Variants in DLGAP2 observed in about 807,000 individuals in gnomAD.
DLGAP2 encodes the protein DLG associated protein 2.
DLGAP2 carries 26 observed loss-of-function variants against 100.3 expected under a neutral mutation model. That is an observed-to-expected ratio of 0.26 (90% CI 0.19 to 0.36). The LOEUF (loss-of-function observed/expected upper bound fraction) is 0.36, where lower values mean the gene tolerates loss of function less well. Ranked by LOEUF, DLGAP2 falls within the 10% of genes least tolerant of loss-of-function variation. DLGAP2 has a pLI of 1.00. For synonymous variants in DLGAP2, 886 were observed against 630.1 expected (o/e 1.41, Z -6.08); for missense variants, 1,858 against 1,453.2 (o/e 1.28, Z -4.53).
chr8:1,244,086 C>T (rs1463401274), intron 2 of DLGAP2, among the ~76,000 whole-genome samples: 1 of 152,198 alleles, frequency 6.6e-6, no homozygotes, highest in Non-Finnish European at 1.5e-5. Context: ...TGTCAGCTCT[C>T]AGCCTCTGCA....
intron 2 of DLGAP2, among the ~76,000 whole-genome samples, chr8:1,120,050 T>C (rs1220399793): frequency 1.3e-5 from 2 of 152,178 alleles, no homozygotes; most frequent in South Asian, 2.1e-4. Context: ...CAGCAACTTA[T>C]AACAAAAACA....
intron 2 of DLGAP2, among the ~76,000 whole-genome samples, chr8:1,211,742 G>A (rs901952375): frequency 6.6e-6 from 1 of 152,206 alleles, no homozygotes; most frequent in African/African-American, 2.4e-5. Flanking sequence ...AGGCGTGGTA[G>A]CCCATGCCTG....
At chr8:1,592,381 C>T (rs982709215) in intron 6 of DLGAP2, among the ~76,000 whole-genome samples, 4 of 152,116 alleles carry the variant, frequency 2.6e-5, no homozygotes, top group Admixed American at 1.3e-4. Context: ...TTTATATTGA[C>T]GATTGGCCTG....
intron 2 of DLGAP2, among the ~76,000 whole-genome samples, chr8:1,198,081 CCTGTGTGGTT>C: frequency 6.6e-6 from 1 of 151,896 alleles, no homozygotes; most frequent in Admixed American, 6.6e-5. Context: ...TGGACTGTTA[CCTGTGTGGTT>C]CTGTGTGTGT....
At chr8:1,485,993 C>T (rs112496821) in intron 3 of DLGAP2, among the ~76,000 whole-genome samples, 2,805 of 152,244 alleles carry the variant, frequency 0.018, 76 homozygotes, top group African/African-American at 0.062. Context: ...CGCCACTGCA[C>T]TCCAGCCTGG....
chr8:1,185,872 G>T (rs956802676), intron 2 of DLGAP2, among the ~76,000 whole-genome samples: 2 of 152,084 alleles, frequency 1.3e-5, no homozygotes, highest in Non-Finnish European at 2.9e-5. Context: ...CGCCCAACTT[G>T]CCCCACAGAG....
chr8:1,599,543 C>T (rs1184304080), intron 6 of DLGAP2, among the ~76,000 whole-genome samples: 1 of 152,082 alleles, frequency 6.6e-6, no homozygotes, highest in Non-Finnish European at 1.5e-5. Context: ...CTGGGTCCTC[C>T]TGTATTGGGT....
intron 2 of DLGAP2, among the ~76,000 whole-genome samples, chr8:1,184,735 G>C (rs1240001728): frequency 6.6e-6 from 1 of 152,194 alleles, no homozygotes; most frequent in Admixed American, 6.5e-5. Context: ...CCTGGGAGGA[G>C]GGTGAGGCCA....
intron 10 of DLGAP2, among the ~76,000 whole-genome samples, chr8:1,672,820 G>C (rs1159573848): frequency 1.3e-5 from 2 of 152,248 alleles, no homozygotes; most frequent in African/African-American, 4.8e-5. Flanking sequence ...ATAAACAGGA[G>C]TTTGCATCAG....
chr8:1,547,941 C>T (rs1034792680), intron 4 of DLGAP2, among the ~76,000 whole-genome samples: 5 of 152,198 alleles, frequency 3.3e-5, no homozygotes, highest in African/African-American at 7.2e-5. Flanking sequence ...GACAATATCA[C>T]CCATCAAGTA....
At chr8:1,360,109 G>A (rs936100081) in intron 3 of DLGAP2, among the ~76,000 whole-genome samples, 1 of 152,044 alleles carries the variant, frequency 6.6e-6, no homozygotes, top group Non-Finnish European at 1.5e-5. Flanking sequence ...GGGTTCGGAG[G>A]AGAGCGGGTT....
intron 1 of DLGAP2, among the ~76,000 whole-genome samples, chr8:790,296 C>G (rs1194871717): frequency 6.6e-6 from 1 of 152,158 alleles, no homozygotes; most frequent in Non-Finnish European, 1.5e-5. Flanking sequence ...TTTGCCTGGG[C>G]TGTGCAGGGT....
chr8:969,776 G>T (rs1799969182), intron 2 of DLGAP2, among the ~76,000 whole-genome samples: 2 of 152,114 alleles, frequency 1.3e-5, no homozygotes, highest in African/African-American at 4.8e-5. Context: ...TACACAGTGG[G>T]AATCAGCAGA....
chr8:1,372,276 G>C (rs1391060451), intron 3 of DLGAP2, among the ~76,000 whole-genome samples: 1 of 152,108 alleles, frequency 6.6e-6, no homozygotes, highest in Non-Finnish European at 1.5e-5. Flanking sequence ...CCAACGCTGG[G>C]ACGCTGGTCA....
Position 1,212,947 on chromosome 8 carries a change from T to C in DLGAP2, c.74-45904T>C, listed in dbSNP as rs148391788. ...GTGCTCTTCATATAGATCAGAAACA[T>C]TTCTTATGAGGTTTATTCTATTTAT... On this transcript the variant is annotated intron_variant, in intron 2 of 14. Transcript: ENST00000637795. 8.1e-3 allele frequency among the ~76,000 whole-genome samples: 1,238 copies of C among 152,174 alleles called. 16 individuals are homozygous for C. Among genetic ancestry groups the C allele is most frequent in the South Asian group, 0.061 (293 of 4,806 alleles).
At chr8:851,873 G>A (rs943425592) in intron 1 of DLGAP2, among the ~76,000 whole-genome samples, 11 of 152,264 alleles carry the variant, frequency 7.2e-5, no homozygotes, top group South Asian at 4.1e-4. Flanking sequence ...CCCCCGCTGC[G>A]TTTCCCTCTC....
chr8:966,266 T>G (rs1006085234), intron 2 of DLGAP2, among the ~76,000 whole-genome samples: 6 of 152,218 alleles, frequency 3.9e-5, no homozygotes, highest in African/African-American at 1.4e-4. Flanking sequence ...GTTGTCCACG[T>G]TGGGGTATGA....
At chr8:859,310 C>T (rs927770216) in intron 1 of DLGAP2, among the ~76,000 whole-genome samples, 1 of 152,148 alleles carries the variant, frequency 6.6e-6, no homozygotes, top group Non-Finnish European at 1.5e-5. Flanking sequence ...CAGGGTTTCA[C>T]CATGTTGGCC....
chr8:1,330,418 C>G (rs142749948), intron 3 of DLGAP2, among the ~76,000 whole-genome samples: 2 of 132,416 alleles, frequency 1.5e-5, no homozygotes, highest in Admixed American at 1.6e-4. Context: ...GTGGGAGCAC[C>G]GCTTCGCGGG....
Sources: gnomAD v4.1 joint callset for allele counts (sites outside exome capture counted in the v4.1 genomes callset) on GRCh38, gnomAD v4.1.1 for gene constraint, MANE v1.5 for transcripts, NCBI Gene and HGNC (gene_info 2026-07-23, HGNC 2026-07-21) for gene names.